Variants in NEBL observed in about 807,000 individuals in gnomAD.
The protein encoded by NEBL is LIM and SH3 protein 2.
Under a neutral mutation model 140.2 loss-of-function variants are expected in NEBL, and 122 were observed. The ratio of observed to expected loss-of-function variants is 0.87; its 90% CI spans 0.75 to 1.01. The LOEUF is 1.01. Ranked by LOEUF, NEBL falls within the 50% of genes least tolerant of loss-of-function variation. The probability of loss-of-function intolerance (pLI) is 0.00; values close to 1 mark genes in which losing one functional copy is unlikely to be tolerated. For synonymous variants in NEBL, 436 were observed against 398.9 expected (o/e 1.09, Z -1.11); for missense variants, 1,365 against 1,231.3 (o/e 1.11, Z -1.62).
At chr10:20,991,058 CA>C (rs768556218) in intron 3 of NEBL, among the ~76,000 whole-genome samples, 21 of 152,318 alleles carry the variant, frequency 1.4e-4, no homozygotes, top group Admixed American at 2.6e-4. Context: ...CTTTTCTCTA[CA>C]GGGACACAGG....
chr10:20,785,805 A>G lies in NEBL; in HGVS notation c.2987T>C (p.Val996Ala), dbSNP rs1835356429. The change falls in exon 28 of 28, where the codon GTG becomes GCG. Residue 996 changes from valine (V) to alanine (A), a missense_variant. This residue lies in a region of NEBL where 42 missense variants were observed against 76.5 expected (regional missense o/e 0.55). Coordinates refer to ENST00000377122, the MANE Select transcript of NEBL (RefSeq NM_006393.3). The part of the protein sequence containing the change: ...PIDDGWMYGT[V>A]QRTGRTGMLP... ...CATTCCTGTTCTCCCTGTTCTCTGCACTGTGCCGTACATCCAGCCATCGTC... is the reference window on the plus strand; with the variant it reads ...CATTCCTGTTCTCCCTGTTCTCTGCGCTGTGCCGTACATCCAGCCATCGTC... 1.2e-6 allele frequency: 2 copies of G among 1,613,930 alleles called. No homozygotes were observed.
chr10:20,823,104 A>C, intron 19 of NEBL, 104 bp downstream of exon 19: 1 of 832,980 alleles, frequency 1.2e-6, no homozygotes, highest in Non-Finnish European at 1.9e-6. Context: ...ATCCTCTCGC[A>C]ATGAGGTTCA....
chr10:20,827,091 C>CTA lies in NEBL; in HGVS notation c.1777-554_1777-553dup, dbSNP rs1233768411. Among the ~76,000 whole-genome samples the CTA allele has an allele frequency of 2.6e-5, 4 of 152,310 alleles. No individual in the cohort carries two copies. In the East Asian group the frequency reaches 7.7e-4, roughly 29 times the overall value. On this transcript the variant is annotated intron_variant, in intron 17 of 27. Coordinates refer to ENST00000377122, the MANE Select transcript of NEBL (RefSeq NM_006393.3). Reference sequence around the variant, plus strand: ...CATGTGTCTCCACCCCTACTAACGTCTACCCTTCCAAACCCAAAGCAGAAC... The same window carrying CTA: ...CATGTGTCTCCACCCCTACTAACGTCTATACCCTTCCAAACCCAAAGCAGAAC...
chr10:21,153,245 A>T (rs1362412343), intron 2 of NEBL, among the ~76,000 whole-genome samples: 1 of 152,184 alleles, frequency 6.6e-6, no homozygotes, highest in Non-Finnish European at 1.5e-5. Flanking sequence ...CCCCATGTGG[A>T]TCTAGAGGTC....
At chr10:21,240,428 A>C (rs1296142129) in intron 3 of NEBL, among the ~76,000 whole-genome samples, 3 of 152,156 alleles carry the variant, frequency 2.0e-5, no homozygotes, top group Non-Finnish European at 4.4e-5. Context: ...GGATCACCTG[A>C]GGTCAAGAGT....
chr10:20,928,966 T>C (rs1391957309), intron 4 of NEBL, among the ~76,000 whole-genome samples: 3 of 152,122 alleles, frequency 2.0e-5, no homozygotes, highest in Non-Finnish European at 4.4e-5. Flanking sequence ...TTCCAATTCA[T>C]CGCCTCCTCT....
rs374389652 is a variant in NEBL at position 20,828,759 on chromosome 10, C to T, written c.1672-125G>A. On this transcript the variant is annotated intron_variant, in intron 16 of 27. Coordinates refer to ENST00000377122, the MANE Select transcript of NEBL (RefSeq NM_006393.3). ...GTAAAAAACTGTTTTTACTGACTTA[C>T]ACTCCCAGAGAGAGAGAGAGAGAGG... is the stretch of plus-strand genomic sequence containing the variant. 72 of 673,630 alleles carry T rather than the reference C, an allele frequency of 1.1e-4. No individual in the cohort carries two copies. In the African/African-American group the frequency reaches 1.2e-3, roughly 11 times the overall value. 41.7% of individuals were successfully genotyped at this position (673,630 alleles called of 1,614,324 possible).
chr10:20,943,798 T>G (rs1006979186), intron 4 of NEBL, among the ~76,000 whole-genome samples: 2 of 152,218 alleles, frequency 1.3e-5, no homozygotes, highest in Non-Finnish European at 2.9e-5. Flanking sequence ...CTTCTCTGTA[T>G]TCTGACTTTA....
intron 3 of NEBL, among the ~76,000 whole-genome samples, chr10:21,005,829 C>G (rs1419390190): frequency 6.6e-6 from 1 of 151,154 alleles, no homozygotes; most frequent in African/African-American, 2.5e-5. Flanking sequence ...TACTGACATA[C>G]TAACACTTTT....
chr10:20,961,645 C>A, intron 4 of NEBL: 1 of 1,461,372 alleles, frequency 6.8e-7, no homozygotes, highest in African/African-American at 1.4e-5. Context: ...TCAGAGCCAT[C>A]ATGCTATTGA....
At chr10:20,959,532 T>C (rs1835953920) in intron 4 of NEBL, among the ~76,000 whole-genome samples, 1 of 152,096 alleles carries the variant, frequency 6.6e-6, no homozygotes, top group Non-Finnish European at 1.5e-5. Flanking sequence ...AAAAGATCCT[T>C]GAGTAATATG....
chr10:21,264,895 A>G (rs1842780888), intron 1 of NEBL, among the ~76,000 whole-genome samples: 2 of 151,422 alleles, frequency 1.3e-5, no homozygotes, highest in African/African-American at 4.8e-5. Flanking sequence ...ACGTGACAAT[A>G]GGGGCAAGAG....
At chr10:21,154,998 A>T (rs1044518435) in intron 2 of NEBL, among the ~76,000 whole-genome samples, 1 of 152,138 alleles carries the variant, frequency 6.6e-6, no homozygotes, top group Non-Finnish European at 1.5e-5. Context: ...CAGGAGTTCG[A>T]GACCAGCCTG....
At chr10:20,832,522 T>C (rs973609638) in intron 14 of NEBL, among the ~76,000 whole-genome samples, 1 of 152,192 alleles carries the variant, frequency 6.6e-6, no homozygotes, top group Non-Finnish European at 1.5e-5. Context: ...TTCTGTCACA[T>C]TTGAAAACTG....
At chr10:20,946,550 T>G (rs918507955) in intron 4 of NEBL, among the ~76,000 whole-genome samples, 3 of 152,192 alleles carry the variant, frequency 2.0e-5, no homozygotes, top group Middle Eastern at 3.4e-3. Flanking sequence ...CAACCTCTGC[T>G]TCCTGAGTTC....
chr10:20,855,991 G>A (rs2131108598), intron 9 of NEBL, among the ~76,000 whole-genome samples: 1 of 152,256 alleles, frequency 6.6e-6, no homozygotes, highest in East Asian at 1.9e-4. Flanking sequence ...CTTCACAAAT[G>A]CTAGATAAAG....
chr10:20,858,123 G>A (rs1247987803), intron 9 of NEBL, 117 bp downstream of exon 9: 8 of 781,212 alleles, frequency 1.0e-5, no homozygotes, highest in East Asian at 5.2e-5. Context: ...GTTAGTTAAC[G>A]AGGGAGGAGT....
intron 2 of NEBL, among the ~76,000 whole-genome samples, chr10:21,100,224 C>A (rs1359317245): frequency 1.3e-5 from 2 of 152,142 alleles, no homozygotes; most frequent in East Asian, 3.9e-4. Context: ...ATTTACTAAG[C>A]GTGTGTGGGA....
At chr10:21,074,511 G>A (rs1485450402) in intron 2 of NEBL, among the ~76,000 whole-genome samples, 12 of 146,466 alleles carry the variant, frequency 8.2e-5, no homozygotes, top group South Asian at 2.2e-4. Context: ...TCAGAGTCTC[G>A]CTCTGTTGCC....
Sources: allele counts gnomAD v4.1 joint callset (sites outside exome capture counted in the v4.1 genomes callset), GRCh38; gene constraint gnomAD v4.1.1; regional missense constraint gnomAD v4.1.1; transcripts MANE v1.5; gene names NCBI Gene and HGNC (gene_info 2026-07-23, HGNC 2026-07-21).